TAFA5: variants seen among roughly 807,000 people sequenced by gnomAD.
TAFA5 encodes the protein chemokine-like protein TAFA-5.
In TAFA5, 6 loss-of-function variants were observed where a neutral mutation model predicts 15.3. The ratio of observed to expected loss-of-function variants is 0.39; its 90% CI spans 0.21 to 0.77. TAFA5 has a LOEUF of 0.77. TAFA5 is among the 30% of genes least tolerant of loss of function. TAFA5 has a pLI of 0.41. For synonymous variants in TAFA5, 103 were observed against 80.7 expected, an observed-to-expected ratio of 1.28 and a Z score of -1.48; for missense variants, 161 against 193.1, an observed-to-expected ratio of 0.83 and a Z score of 0.98.
chr22:48,722,561 G>C (rs534105784), intron 3 of TAFA5, among the ~76,000 whole-genome samples: 7 of 152,254 alleles, frequency 4.6e-5, no homozygotes, highest in Admixed American at 6.5e-5. Context: ...CTGTCGGGGT[G>C]GGGGGCTAGG....
chr22:48,618,947 C>T (rs1054403594), intron 1 of TAFA5, among the ~76,000 whole-genome samples: 1 of 152,164 alleles, frequency 6.6e-6, no homozygotes, highest in African/African-American at 2.4e-5. Context: ...TCTAGAAGAC[C>T]TCAGAGACCC....
rs1460138923 is a variant in TAFA5 at position 48,489,634 on chromosome 22, C to T, written c.42C>T (p.Thr14=). Residue 14 remains threonine, a synonymous_variant, in exon 1 of 4, where the codon ACC becomes ACT. Transcript: ENST00000402357. This position sits in a 1 kb window ranked among gnomAD's most constrained non-coding sequence, Gnocchi z 5.5. ...SPRTGSRQDA[T]ALPSMSSTFW... is the part of the protein sequence containing the mutation. The stretch of plus-strand genomic sequence containing the variant: ...GGACCGGCAGCCGGCAAGATGCGAC[C>T]GCCCTGCCCAGCATGTCCTCAACTT... The T allele has an allele frequency of 6.6e-7, 1 of 1,518,380 alleles. No homozygotes were observed. The highest frequency in any genetic ancestry group is 2.1e-5 in the Admixed American group (1 of 48,602). 94.1% of individuals were successfully genotyped at this position (1,518,380 alleles called of 1,614,324 possible). A position where few individuals can be genotyped will look rare whatever the true frequency, so the allele number is the denominator to read the frequency against.
At chr22:48,545,753 G>A (rs924020343) in intron 1 of TAFA5, 1 of 152,604 alleles carries the variant, frequency 6.6e-6, no homozygotes, top group Admixed American at 6.5e-5. Context: ...GTTACCTAGT[G>A]CCCCAAGGAG....
chr22:48,615,027 A>G (rs1925546826), intron 1 of TAFA5, among the ~76,000 whole-genome samples: 1 of 151,950 alleles, frequency 6.6e-6, no homozygotes, highest in Non-Finnish European at 1.5e-5. Flanking sequence ...TACAATTTCA[A>G]CCTTCTAGTT....
intron 1 of TAFA5, among the ~76,000 whole-genome samples, chr22:48,518,705 T>C (rs1472801288): frequency 6.6e-6 from 1 of 152,066 alleles, no homozygotes; most frequent in African/African-American, 2.4e-5. Flanking sequence ...ACAGGGGGCC[T>C]GCAGAGGAAA....
intron 1 of TAFA5, among the ~76,000 whole-genome samples, chr22:48,504,012 C>A (rs114513647): frequency 0.016 from 2,454 of 152,336 alleles, 77 homozygotes; most frequent in African/African-American, 0.056. Context: ...CTCTCTGTAT[C>A]ATGCCTAACC....
intron 2 of TAFA5, among the ~76,000 whole-genome samples, chr22:48,670,560 TG>T (rs1310459774): frequency 1.3e-5 from 2 of 152,004 alleles, no homozygotes; most frequent in Non-Finnish European, 2.9e-5. Context: ...AGAGTGAAAA[TG>T]GGGGCAATCC....
intron 1 of TAFA5, among the ~76,000 whole-genome samples, chr22:48,567,156 A>C (rs1923435114): frequency 6.6e-6 from 1 of 152,244 alleles, no homozygotes; most frequent in Non-Finnish European, 1.5e-5. Flanking sequence ...ATAGTTGAAC[A>C]GGAAATGATT....
intron 1 of TAFA5, among the ~76,000 whole-genome samples, chr22:48,573,201 CCATGCCCCTGGTTTGTTT>C (rs1282774011): frequency 5.3e-5 from 8 of 152,200 alleles, no homozygotes; most frequent in Non-Finnish European, 1.2e-4. Context: ...GGACACCTGG[CCATGCCCCTGGTTTGTTT>C]CACCTTCTCG....
intron 1 of TAFA5, chr22:48,544,930 G>A (rs866983577): frequency 1.1e-4 from 50 of 465,604 alleles, no homozygotes; most frequent in African/African-American, 7.4e-4. Flanking sequence ...AAGGCCCTAC[G>A]GGTGTGAAGG....
At chr22:48,608,372 C>T (rs749132838) in intron 1 of TAFA5, among the ~76,000 whole-genome samples, 5 of 152,122 alleles carry the variant, frequency 3.3e-5, no homozygotes, top group Admixed American at 1.3e-4. Flanking sequence ...GTGAAGTGTG[C>T]GCTGAAATAC....
chr22:48,512,028 C>T (rs1187734963), intron 1 of TAFA5, among the ~76,000 whole-genome samples: 1 of 152,224 alleles, frequency 6.6e-6, no homozygotes, highest in African/African-American at 2.4e-5. Flanking sequence ...CCACCAGAAG[C>T]TGATGGCCAC....
At chr22:48,656,037 T>C (rs1180923354) in intron 2 of TAFA5, among the ~76,000 whole-genome samples, 2 of 150,894 alleles carry the variant, frequency 1.3e-5, no homozygotes, top group African/African-American at 4.9e-5. Flanking sequence ...AGAGATGGGG[T>C]TTCATCATGT....
chr22:48,640,568 G>T (rs1049357747), intron 1 of TAFA5, among the ~76,000 whole-genome samples: 4 of 152,162 alleles, frequency 2.6e-5, no homozygotes, highest in Non-Finnish European at 5.9e-5. Context: ...GCTGGGCTGG[G>T]CTGTGGGTGA....
At chr22:48,708,206 T>G (rs1006473446) in intron 3 of TAFA5, among the ~76,000 whole-genome samples, 7 of 152,136 alleles carry the variant, frequency 4.6e-5, no homozygotes, top group Admixed American at 3.9e-4. Flanking sequence ...CATCCGCCCC[T>G]CCTGAAGATG....
intron 2 of TAFA5, 123 bp from the exon 3 acceptor site, chr22:48,707,594 T>C: frequency 8.3e-7 from 1 of 1,207,834 alleles, no homozygotes; most frequent in Non-Finnish European, 1.2e-6. Flanking sequence ...GGTCCCTGGG[T>C]GGAGCCACGC....
At chr22:48,704,881 T>G (rs1229900496) in intron 2 of TAFA5, among the ~76,000 whole-genome samples, 1 of 152,016 alleles carries the variant, frequency 6.6e-6, no homozygotes, top group African/African-American at 2.4e-5. Flanking sequence ...ATGGTGCTGA[T>G]AGGTTTGGTT....
intron 1 of TAFA5, among the ~76,000 whole-genome samples, chr22:48,496,556 C>G (rs1279950694): frequency 2.0e-5 from 3 of 152,196 alleles, no homozygotes; most frequent in Admixed American, 6.5e-5. Flanking sequence ...GTCAGGGACG[C>G]CTGACCAGCT....
intron 1 of TAFA5, among the ~76,000 whole-genome samples, chr22:48,528,157 A>G (rs1174736101): frequency 6.6e-6 from 1 of 152,134 alleles, no homozygotes; most frequent in African/African-American, 2.4e-5. Context: ...ATTCTCAGTT[A>G]AGGACGCTGA....
Sources: gnomAD v4.1 joint callset for allele counts (sites outside exome capture counted in the v4.1 genomes callset) on GRCh38, gnomAD v4.1.1 for gene constraint, Gnocchi (gnomAD v3.1) non-coding constraint, MANE v1.5 for transcripts, NCBI Gene and HGNC (gene_info 2026-07-23, HGNC 2026-07-21) for gene names.